EXOC4: variants seen among roughly 807,000 people sequenced by gnomAD.
The protein encoded by EXOC4 is SEC8-like 1.
EXOC4 carries 71 observed loss-of-function variants against 107.2 expected under a neutral mutation model. That is an observed-to-expected ratio of 0.66 (90% CI 0.55 to 0.81). The LOEUF (loss-of-function observed/expected upper bound fraction) is 0.81, where lower values mean the gene tolerates loss of function less well. Ranked by LOEUF, EXOC4 falls within the 30% of genes least tolerant of loss-of-function variation. EXOC4 has a pLI of 0.00. For synonymous variants in EXOC4, 456 were observed against 441.2 expected, an observed-to-expected ratio of 1.03 and a Z score of -0.42; for missense variants, 1,108 against 1,189.6, an observed-to-expected ratio of 0.93 and a Z score of 1.01.
chr7:133,458,179 A>G (rs1798506992), intron 7 of EXOC4, among the ~76,000 whole-genome samples: 2 of 152,086 alleles, frequency 1.3e-5, no homozygotes, highest in Non-Finnish European at 2.9e-5. Flanking sequence ...TCATTATTGC[A>G]CTTATTGGTT....
intron 7 of EXOC4, among the ~76,000 whole-genome samples, chr7:133,472,585 C>T (rs1206836059): frequency 1.3e-5 from 2 of 152,100 alleles, no homozygotes; most frequent in Non-Finnish European, 2.9e-5. Flanking sequence ...AGCATGCAGT[C>T]ACAGATGTGG....
intron 5 of EXOC4, among the ~76,000 whole-genome samples, chr7:133,318,244 ATT>A (rs1247265561): frequency 6.6e-6 from 1 of 152,194 alleles, no homozygotes; most frequent in Non-Finnish European, 1.5e-5. Flanking sequence ...CCAATATCCT[ATT>A]GAATAAGACA....
At chr7:133,664,879 G>T (rs536456334) in intron 10 of EXOC4, among the ~76,000 whole-genome samples, 1 of 152,212 alleles carries the variant, frequency 6.6e-6, no homozygotes, top group South Asian at 2.1e-4. Flanking sequence ...ATCCAAAGAT[G>T]CAAAGAAACA....
intron 9 of EXOC4, among the ~76,000 whole-genome samples, chr7:133,606,082 T>C (rs1801938344): frequency 6.6e-6 from 1 of 152,140 alleles, no homozygotes. Context: ...AATTGTTCAT[T>C]GACTAAGACC....
intron 9 of EXOC4, among the ~76,000 whole-genome samples, chr7:133,628,957 G>A (rs1439914248): frequency 6.6e-6 from 1 of 152,182 alleles, no homozygotes; most frequent in African/African-American, 2.4e-5. Context: ...CACGCTGTTG[G>A]TGACACTGGA....
At chr7:133,713,080 C>T (rs1443111936) in intron 10 of EXOC4, among the ~76,000 whole-genome samples, 1 of 152,128 alleles carries the variant, frequency 6.6e-6, no homozygotes, top group Non-Finnish European at 1.5e-5. Context: ...CTGAACTGTT[C>T]ATTTTAATAT....
intron 1 of EXOC4, among the ~76,000 whole-genome samples, chr7:133,269,924 A>T (rs1021041631): frequency 2.6e-5 from 4 of 152,076 alleles, no homozygotes; most frequent in African/African-American, 9.7e-5. Flanking sequence ...CTTTATCTCT[A>T]CAAAGAGGGA....
chr7:133,978,188 C>G (rs1195100505), intron 14 of EXOC4, among the ~76,000 whole-genome samples: 1 of 152,078 alleles, frequency 6.6e-6, no homozygotes, highest in Non-Finnish European at 1.5e-5. Flanking sequence ...TTCCTTTTCT[C>G]TGGCTATAAA....
At chr7:133,338,619 AAAAAT>A (rs1359097848) in intron 5 of EXOC4, among the ~76,000 whole-genome samples, 20 of 149,524 alleles carry the variant, frequency 1.3e-4, no homozygotes, top group Non-Finnish European at 2.2e-4. Flanking sequence ...AAAAAAAAAA[AAAAAT>A]TTTTATTTCA....
chr7:133,480,431 G>T, intron 9 of EXOC4: 1 of 1,158,032 alleles, frequency 8.6e-7, no homozygotes. Flanking sequence ...CACAATCTAG[G>T]AGAATGTTGG....
chr7:133,276,965 A>AT (rs547397967), intron 2 of EXOC4, among the ~76,000 whole-genome samples: 667 of 145,292 alleles, frequency 4.6e-3, no homozygotes, highest in African/African-American at 0.011. Flanking sequence ...TTAACTGGGC[A>AT]TTTTTTTTTT....
At chr7:133,469,704 C>T (rs1424581) in intron 7 of EXOC4, among the ~76,000 whole-genome samples, 151,593 of 152,334 alleles carry the variant, frequency 1, 75,434 homozygotes, top group East Asian at 1. Flanking sequence ...ATCTTTGACC[C>T]TATCAGCAAC....
intron 9 of EXOC4, among the ~76,000 whole-genome samples, chr7:133,588,028 CTGT>C (rs1186784355): frequency 6.6e-6 from 1 of 152,170 alleles, no homozygotes; most frequent in Non-Finnish European, 1.5e-5. Context: ...TTGACATTTT[CTGT>C]TTCCTGACAT....
chr7:133,895,462 G>C (rs969800552), intron 11 of EXOC4, 137 bp from the exon 12 acceptor site: 25 of 879,688 alleles, frequency 2.8e-5, no homozygotes, highest in Non-Finnish European at 4.4e-5. Flanking sequence ...CCCCTGTTTT[G>C]AGTTCATATT....
intron 10 of EXOC4, among the ~76,000 whole-genome samples, chr7:133,813,489 G>A (rs1412486862): frequency 6.6e-6 from 1 of 152,154 alleles, no homozygotes; most frequent in African/African-American, 2.4e-5. Flanking sequence ...ATTAATAACA[G>A]TGGTTTTCTT....
intron 17 of EXOC4, among the ~76,000 whole-genome samples, chr7:134,035,202 T>G (rs908428506): frequency 6.6e-6 from 1 of 151,862 alleles, no homozygotes; most frequent in African/African-American, 2.4e-5. Context: ...TGCGCCACCA[T>G]GCCTGGCTAA....
chr7:133,625,889 C>A (rs1376987312), intron 9 of EXOC4, among the ~76,000 whole-genome samples: 2 of 152,054 alleles, frequency 1.3e-5, no homozygotes, highest in Non-Finnish European at 2.9e-5. Flanking sequence ...AGTGCTCTAA[C>A]CAGGATTGAA....
chr7:133,379,665 C>A (rs1000927984), intron 7 of EXOC4, among the ~76,000 whole-genome samples: 4 of 151,946 alleles, frequency 2.6e-5, no homozygotes, highest in Admixed American at 6.6e-5. Context: ...GACCCCCCCC[C>A]ATCTTTGGCT....
intron 11 of EXOC4, among the ~76,000 whole-genome samples, chr7:133,879,629 C>T (rs192272376): frequency 1.6e-4 from 24 of 152,210 alleles, no homozygotes; most frequent in Middle Eastern, 6.8e-3. Flanking sequence ...TTTTTCATTA[C>T]GTGTAATTAC....
Sources: allele counts gnomAD v4.1 joint callset (sites outside exome capture counted in the v4.1 genomes callset), GRCh38; gene constraint gnomAD v4.1.1; transcripts MANE v1.5; gene names NCBI Gene and HGNC (gene_info 2026-07-23, HGNC 2026-07-21).